SCN1A: variants seen among roughly 807,000 people sequenced by gnomAD.
SCN1A encodes the protein sodium voltage-gated channel alpha subunit 1, also known as sodium channel protein type 1 subunit alpha.
Under a neutral mutation model 193.7 loss-of-function variants are expected in SCN1A, and 13 were observed. That is an observed-to-expected ratio of 0.07 (90% CI 0.04 to 0.11). The LOEUF (loss-of-function observed/expected upper bound fraction) is 0.11. Among genes scored for constraint, SCN1A ranks in the 10% least tolerant of loss-of-function variants. The pLI, the probability that SCN1A is intolerant of heterozygous loss-of-function variation, is 1.00. For missense variants in SCN1A, 1,432 were observed against 2,451.1 expected, an observed-to-expected ratio of 0.58 and a Z score of 8.78; for synonymous variants, 781 against 843.6, an observed-to-expected ratio of 0.93 and a Z score of 1.29.
chr2:166,143,426 A>G (rs1177043097), intron 1 of SCN1A, among the ~76,000 whole-genome samples: 1 of 152,042 alleles, frequency 6.6e-6, no homozygotes, highest in Non-Finnish European at 1.5e-5. Context: ...TCAGCCTCCC[A>G]AAGTGCTGGG....
chr2:166,009,952 GT>G, intron 22 of SCN1A, 111 bp from the exon 23 acceptor site: 1 of 1,036,612 alleles, frequency 9.6e-7, no homozygotes. Flanking sequence ...GAGGATAAAT[GT>G]TCAGACATTT....
At chr2:166,140,947 C>T (rs548369529) in intron 1 of SCN1A, among the ~76,000 whole-genome samples, 5 of 152,124 alleles carry the variant, frequency 3.3e-5, no homozygotes, top group Non-Finnish European at 7.3e-5. Flanking sequence ...CTCTTTGGCT[C>T]CACCCAGACC....
intron 9 of SCN1A, among the ~76,000 whole-genome samples, chr2:166,051,262 C>T (rs923473166): frequency 2.6e-5 from 4 of 151,888 alleles, no homozygotes; most frequent in Non-Finnish European, 5.9e-5. Flanking sequence ...AGGTGATTAA[C>T]AAAATTCTTC....
intron 2 of SCN1A, among the ~76,000 whole-genome samples, chr2:166,080,526 G>A (rs1685403717): frequency 6.6e-6 from 1 of 151,734 alleles, no homozygotes; most frequent in African/African-American, 2.4e-5. Context: ...TTGGAAATAA[G>A]TAGAGTAGTG....
intron 2 of SCN1A, among the ~76,000 whole-genome samples, chr2:166,082,752 A>C (rs1470008603): frequency 6.6e-6 from 1 of 152,074 alleles, no homozygotes; most frequent in Non-Finnish European, 1.5e-5. Flanking sequence ...TGTAACTCCA[A>C]AGTTCAATAT....
downstream of SCN1A, chr2:165,985,019 TA>T (rs1305081294): frequency 6.6e-5 from 10 of 152,144 alleles, no homozygotes; most frequent in African/African-American, 2.4e-4. Flanking sequence ...GCCCTGGCTT[TA>T]GAAACTAACC....
intron 3 of SCN1A, 67 bp from the exon 4 acceptor site, chr2:166,073,737 G>T: frequency 2.6e-6 from 3 of 1,165,534 alleles, no homozygotes; most frequent in Non-Finnish European, 3.6e-6. Context: ...ATAAATTCTT[G>T]TCATGAAACA....
At chr2:166,034,670 C>T (rs1156430398) in intron 19 of SCN1A, among the ~76,000 whole-genome samples, 3 of 152,098 alleles carry the variant, frequency 2.0e-5, no homozygotes, top group Non-Finnish European at 4.4e-5. Flanking sequence ...GTTTTGTCTC[C>T]ACAAAATTCA....
chr2:166,031,728 A>C (rs1695588778), intron 19 of SCN1A, among the ~76,000 whole-genome samples: 1 of 152,106 alleles, frequency 6.6e-6, no homozygotes, highest in South Asian at 2.1e-4. Context: ...ATGATTTACC[A>C]GATATTCTAT....
chr2:166,039,815 C>G (rs1221839557), intron 16 of SCN1A, among the ~76,000 whole-genome samples: 1 of 150,170 alleles, frequency 6.7e-6, no homozygotes, highest in African/African-American at 2.4e-5. Flanking sequence ...TATTACTTTA[C>G]AGATAAGGAA....
In SCN1A at chr2:165,991,389, G is replaced by T; in HGVS notation, c.5886C>A (p.Asp1962Glu). ...CTGTAATAGAGTTTTCATTTATTCT[G>T]TCAATTATCATGTCTTCTTTTATAA... ...NLLIKEDMII[D>E]RINENSITEK... Residue 1962 changes from aspartate to glutamate, a missense_variant, in exon 29 of 29, where the codon GAC (aspartate) becomes GAA (glutamate). Around this residue, in one of 18 missense-constraint regions of SCN1A, gnomAD observed 148 missense variants for 160.3 expected, o/e 0.92. Transcript: ENST00000674923. 6.2e-7 allele frequency: 1 copy of T among 1,613,558 alleles called. No individual in the cohort carries two copies. The highest frequency in any genetic ancestry group is 8.5e-7 in the Non-Finnish European group (1 of 1,179,780).
chr2:166,102,554 T>C (rs1421304544), intron 2 of SCN1A, among the ~76,000 whole-genome samples: 2 of 149,266 alleles, frequency 1.3e-5, no homozygotes, highest in African/African-American at 4.9e-5. Flanking sequence ...ATAACAGATG[T>C]TGGCAAGGTT....
intron 1 of SCN1A, among the ~76,000 whole-genome samples, chr2:166,133,580 G>A (rs1167408837): frequency 1.3e-5 from 2 of 152,022 alleles, no homozygotes; most frequent in East Asian, 3.9e-4. Context: ...CAACTGAACA[G>A]CACTTCAAAA....
At chr2:166,011,516 G>A (rs1255905559) in intron 22 of SCN1A, among the ~76,000 whole-genome samples, 3 of 144,062 alleles carry the variant, frequency 2.1e-5, no homozygotes, top group Non-Finnish European at 4.7e-5. Context: ...GAATAAAGTA[G>A]ACTTCTCTTT....
chr2:166,142,648 C>A (rs1368493083), intron 1 of SCN1A, among the ~76,000 whole-genome samples: 1 of 152,164 alleles, frequency 6.6e-6, no homozygotes. Context: ...CCTTACCTCT[C>A]TGAATAAAAT....
intron 19 of SCN1A, among the ~76,000 whole-genome samples, chr2:166,030,581 C>T (rs1695430405): frequency 6.6e-6 from 1 of 152,122 alleles, no homozygotes; most frequent in Non-Finnish European, 1.5e-5. Flanking sequence ...ATTTTCTTGA[C>T]ATCACCTTAC....
upstream of SCN1A, among the ~76,000 whole-genome samples, chr2:166,128,583 CA>C (rs1213748831): frequency 6.6e-6 from 1 of 152,108 alleles, no homozygotes; most frequent in African/African-American, 2.4e-5. Context: ...ATGCCTTTAA[CA>C]AAGCCACTGA....
chr2:166,079,074 T>C (rs1232391250), intron 2 of SCN1A, among the ~76,000 whole-genome samples: 2 of 151,662 alleles, frequency 1.3e-5, no homozygotes, highest in Non-Finnish European at 3.0e-5. Context: ...AAGAAACTTA[T>C]TCTTTATTTT....
chr2:166,106,172 G>A (rs1688669458), intron 2 of SCN1A, among the ~76,000 whole-genome samples: 1 of 152,200 alleles, frequency 6.6e-6, no homozygotes, highest in Non-Finnish European at 1.5e-5. Context: ...GGGCGATAGA[G>A]CGAGACTCCG....
Sources: allele counts gnomAD v4.1 joint callset (sites outside exome capture counted in the v4.1 genomes callset), GRCh38; gene constraint gnomAD v4.1.1; regional missense constraint gnomAD v4.1.1; transcripts MANE v1.5; gene names NCBI Gene and HGNC (gene_info 2026-07-23, HGNC 2026-07-21).